SPATA31C2: variants seen among roughly 807,000 people sequenced by gnomAD.
The protein encoded by SPATA31C2 is spermatogenesis-associated protein 31C2.
SPATA31C2 carries 5 observed loss-of-function variants against 11.4 expected under a neutral mutation model. That is an observed-to-expected ratio of 0.44 (90% confidence interval 0.23 to 0.92). The LOEUF (loss-of-function observed/expected upper bound fraction) is 0.92. SPATA31C2 is among the 40% of genes least tolerant of loss of function. SPATA31C2 has a pLI of 0.24. For synonymous variants in SPATA31C2, 515 were observed against 538.7 expected (o/e 0.96, Z 0.61); for missense variants, 1,353 against 1,368.6 (o/e 0.99, Z 0.18).
rs1396167096 is a variant in SPATA31C2, at chr9:88,132,031, A to G, written c.1006T>C (p.Phe336Leu). ...CAGAATTGGGGTGTGGATGAAATAA[A>G]GGGTTGGGACTCAGGCTCCAGATGG... is the stretch of plus-strand genomic sequence containing the variant. ...LSHLEPESQP[F>L]ISSTPQFWPT... is the part of the protein sequence containing the mutation. The change falls in exon 4 of 4, where the codon TTT (phenylalanine) becomes CTT (leucine). Residue 336 changes from phenylalanine to leucine, a missense_variant. This residue lies in a region of SPATA31C2 where 1,075 missense variants were observed against 992.8 expected (regional missense o/e 1.08). Coordinates refer to ENST00000324915, the MANE Select transcript of SPATA31C2 (RefSeq NM_001350978.3). The G allele has an allele frequency of 1.9e-6, 3 of 1,610,928 alleles. No individual in the cohort carries two copies. Among genetic ancestry groups the G allele is most frequent in the Non-Finnish European group, 2.5e-6 (3 of 1,177,754 alleles).
chr9:88,133,786 C>G lies in SPATA31C2; in HGVS notation c.190-117G>C, dbSNP rs1193880611. Reference sequence around the variant, plus strand: ...CTCTGTCTGTCTTGCTCAGGGAGCTCTGTGTGCTTCCTCCCCTCCCACTCA... The same window carrying G: ...CTCTGTCTGTCTTGCTCAGGGAGCTGTGTGTGCTTCCTCCCCTCCCACTCA... On this transcript the variant is annotated intron_variant, in intron 1 of 3. Coordinates refer to ENST00000324915, the MANE Select transcript of SPATA31C2 (RefSeq NM_001350978.3). 2.2e-6 allele frequency: 3 copies of G among 1,368,776 alleles called. No homozygotes were observed. In the African/African-American group the frequency reaches 4.6e-5, roughly 21 times the overall value. 84.8% of individuals were successfully genotyped at this position (1,368,776 alleles called of 1,614,324 possible).
chr9:88,134,461 C>A (rs761418713), intron 1 of SPATA31C2, among the ~76,000 whole-genome samples: 3 of 141,856 alleles, frequency 2.1e-5, no homozygotes, highest in African/African-American at 7.9e-5. Context: ...GAGACCTCCC[C>A]CGTCTCATGA....
At chr9:88,135,286 T>C (rs1825665479) in intron 1 of SPATA31C2, among the ~76,000 whole-genome samples, 1 of 112,948 alleles carries the variant, frequency 8.9e-6, no homozygotes, top group Non-Finnish European at 1.6e-5. Flanking sequence ...AGGTTACCTA[T>C]TTCATAGCCT....
Position 88,131,133 on chromosome 9 carries a change from A to G in SPATA31C2, c.1904T>C (p.Leu635Pro), listed in dbSNP as rs1365942085. The change falls in exon 4 of 4, where the codon CTT becomes CCT. Residue 635 changes from leucine to proline, a missense_variant. Physicochemically the swap from Leu to Pro is moderately conservative, Grantham distance 98. This residue lies in a region of SPATA31C2 where 1,075 missense variants were observed against 992.8 expected (regional missense o/e 1.08). Transcript: ENST00000324915. ...CTGAGTACACGGCTCAAGGAAGGAA[A>G]GCACCTGGGCTGTGTTCACACAGGC... ...RKACVNTAQV[L>P]SFLEPCTQQV... The G allele has an allele frequency of 6.2e-7, 1 of 1,612,048 alleles. No homozygotes were observed. Among genetic ancestry groups the G allele is most frequent in the Non-Finnish European group, 8.5e-7 (1 of 1,179,864 alleles).
intron 1 of SPATA31C2, among the ~76,000 whole-genome samples, chr9:88,136,013 A>T (rs1444207790): frequency 9.7e-5 from 13 of 134,252 alleles, no homozygotes; most frequent in African/African-American, 3.2e-4. Flanking sequence ...GGCTCACTGC[A>T]ACCTGTGCCT....
Position 88,130,272 on chromosome 9 carries a change from A to G in SPATA31C2, c.2765T>C (p.Met922Thr), listed in dbSNP as rs1044973478. ...MQASQELCDL[M>T]SARRSNMGHK... ...CCCCATGTTACTCCTTCTGGCTGAC[A>G]TGAGGTCACATAGCTCCTGGGAAGC... is the stretch of plus-strand genomic sequence containing the variant. Residue 922 changes from methionine to threonine, a missense_variant, in exon 4 of 4, where the codon ATG (methionine) becomes ACG (threonine). Physicochemically the swap from Met to Thr is moderately conservative, Grantham distance 81. Transcript: ENST00000324915. 27 of 1,609,288 alleles carry G rather than the reference A, an allele frequency of 1.7e-5. No individual in the cohort carries two copies. Among genetic ancestry groups the G allele is most frequent in the Non-Finnish European group, 2.2e-5 (26 of 1,178,610 alleles).
intron 1 of SPATA31C2, 108 bp from the exon 2 acceptor site, chr9:88,133,777 C>G (rs934436998): frequency 2.2e-6 from 3 of 1,387,904 alleles, no homozygotes; most frequent in African/African-American, 3.1e-5. Context: ...CTGTCTTGCT[C>G]AGGGAGCTCT....
At position 88,130,551 on chromosome 9, in the gene SPATA31C2, G is replaced by A. The variant is rs1160472313; in HGVS notation, c.2486C>T (p.Pro829Leu). Residue 829 changes from proline to leucine, a missense_variant, in exon 4 of 4, where the codon CCA becomes CTA. By Grantham distance (98) the Pro-to-Leu change is moderately conservative (BLOSUM62 -3). Around this residue, in one of 6 missense-constraint regions of SPATA31C2, gnomAD observed 1,075 missense variants for 992.8 expected, o/e 1.08. Coordinates refer to ENST00000324915, the MANE Select transcript of SPATA31C2 (RefSeq NM_001350978.3). ...GAGTAGAGAGCTTTTGCTGGCGCCTGGAGCCTTGAAACCACGCACATCCTC... is the reference window on the plus strand; with the variant it reads ...GAGTAGAGAGCTTTTGCTGGCGCCTAGAGCCTTGAAACCACGCACATCCTC... The part of the protein sequence containing the change: ...TSEDVRGFKA[P>L]GASKSSLLPR... 2 of 1,613,202 alleles carry A rather than the reference G, an allele frequency of 1.2e-6. No individual in the cohort carries two copies. The highest frequency in any genetic ancestry group is 4.5e-5 in the East Asian group (2 of 44,826).
chr9:88,129,602 C>T lies in SPATA31C2; in HGVS notation c.*30G>A, dbSNP rs1247471834. 1.2e-6 allele frequency: 2 copies of T among 1,602,472 alleles called. No homozygotes were observed. Among genetic ancestry groups the T allele is most frequent in the Non-Finnish European group, 8.5e-7 (1 of 1,172,718 alleles). On this transcript the variant is annotated 3_prime_UTR_variant, in exon 4 of 4. Transcript: ENST00000324915. ...GTTGGGGATGTCGCAGGCCCCATTG[C>T]TCATTGTTGCACCGGACACTTTTCA...
rs1489914538 is a variant in SPATA31C2 at position 88,131,024 on chromosome 9, G to T, written c.2013C>A (p.Cys671Ter). ...LPLRVLKPIQ[C>*]FQLEKVSSLS... ...AGGATGAAACCTTTTCCAGTTGAAA[G>T]CACTGAATGGGCTTGAGGACCCTGA... The change falls in exon 4 of 4, where the codon TGC (cysteine) becomes TGA (stop). Residue 671 changes from cysteine to a stop codon, truncating the protein, a stop_gained. Transcript: ENST00000324915. LOFTEE classifies it low-confidence loss of function (END_TRUNC). 6.2e-7 allele frequency: 1 copy of T among 1,611,964 alleles called. No homozygotes were observed. The highest frequency in any genetic ancestry group is 1.3e-5 in the African/African-American group (1 of 74,886).
At position 88,131,878 on chromosome 9, in the gene SPATA31C2, G is replaced by T; in HGVS notation, c.1159C>A (p.Gln387Lys). 6.2e-7 allele frequency: 1 copy of T among 1,610,768 alleles called. No homozygotes were observed. Among genetic ancestry groups the T allele is most frequent in the Non-Finnish European group, 8.5e-7 (1 of 1,178,984 alleles). ...TGAGTTTCAGGTAGGGAGAGAGCTTGCACTTTATTCTGCGACGCAGGGCAA... is the reference window on the plus strand; with the variant it reads ...TGAGTTTCAGGTAGGGAGAGAGCTTTCACTTTATTCTGCGACGCAGGGCAA... ...VACPASQNKV[Q>K]ALSLPETQHP... Residue 387 changes from glutamine (Q) to lysine (K), a missense_variant, in exon 4 of 4, where the codon CAA (glutamine) becomes AAA (lysine). Around this residue, in one of 6 missense-constraint regions of SPATA31C2, gnomAD observed 1,075 missense variants for 992.8 expected, o/e 1.08. Coordinates refer to ENST00000324915, the MANE Select transcript of SPATA31C2 (RefSeq NM_001350978.3).
At chr9:88,134,507 C>T (rs1368841072) in intron 1 of SPATA31C2, among the ~76,000 whole-genome samples, 5 of 149,934 alleles carry the variant, frequency 3.3e-5, no homozygotes, top group East Asian at 2.2e-4. Context: ...CGGTCCTGGC[C>T]GCTGAGCCCA....
chr9:88,133,756 C>A, intron 1 of SPATA31C2, 87 bp from the exon 2 acceptor site: 2 of 1,573,524 alleles, frequency 1.3e-6, no homozygotes, highest in Non-Finnish European at 1.7e-6. Context: ...TCATGAACCG[C>A]ATGGCTCTGT....
In SPATA31C2 at chr9:88,129,959, C is replaced by G; in HGVS notation, c.3078G>C (p.Arg1026Ser). 1 of 1,608,146 alleles carries G rather than the reference C, an allele frequency of 6.2e-7. No homozygotes were observed. Among genetic ancestry groups the G allele is most frequent in the African/African-American group, 1.3e-5 (1 of 74,934 alleles). ...TCTCAGCAGTGACTGGTGCTGGCTT[C>G]CTTTCTTTCTTTGAAAAAATCGTCT... Reference protein sequence around the residue: ...FFQTIFSKKERKPAPVTAESQ... With the variant: ...FFQTIFSKKESKPAPVTAESQ... Residue 1026 changes from arginine to serine, a missense_variant, in exon 4 of 4, where the codon AGG becomes AGC. Transcript: ENST00000324915.
chr9:88,137,414 C>T (rs1825695810), intron 1 of SPATA31C2, among the ~76,000 whole-genome samples: 1 of 146,954 alleles, frequency 6.8e-6, no homozygotes, highest in East Asian at 2.0e-4. Context: ...CACCTGAAGT[C>T]AAGAGTTTGA....
chr9:88,130,715 T>C lies in SPATA31C2; in HGVS notation c.2322A>G (p.Thr774=), dbSNP rs1587687270. 4 of 1,613,838 alleles carry C rather than the reference T, an allele frequency of 2.5e-6. No individual in the cohort carries two copies. The highest frequency in any genetic ancestry group is 3.4e-6 in the Non-Finnish European group (4 of 1,179,862). ...QEGRWPSKPL[T]YSLTGSTQQS... ...GCTGGGTGCTGCCTGTGAGGCTGTATGTGAGGGGCTTAGATGGCCACCTGC... is the reference window on the plus strand; with the variant it reads ...GCTGGGTGCTGCCTGTGAGGCTGTACGTGAGGGGCTTAGATGGCCACCTGC... The change falls in exon 4 of 4, where the codon ACA becomes ACG. Residue 774 remains threonine (T), a synonymous_variant. Coordinates refer to ENST00000324915, the MANE Select transcript of SPATA31C2 (RefSeq NM_001350978.3).
rs1200301078 is a variant in SPATA31C2 at position 88,129,861 on chromosome 9, A to G, written c.3176T>C (p.Val1059Ala). The G allele has an allele frequency of 1.9e-6, 3 of 1,605,058 alleles. No individual in the cohort carries two copies. The highest frequency in any genetic ancestry group is 1.1e-5 in the South Asian group (1 of 90,968). Residue 1059 changes from valine (V) to alanine (A), a missense_variant, in exon 4 of 4, where the codon GTT becomes GCT. Physicochemically the swap from Val to Ala is moderately conservative, Grantham distance 64. Transcript: ENST00000324915. ...CATGTTCTCCTCCAGTATCTGTCCA[A>G]CTGCTGTCATGAGCCTCTCAGCTTC... ...SAEAERLMTA[V>A]GQILEENMSL... is the part of the protein sequence containing the mutation.
In SPATA31C2 at chr9:88,131,404, C is replaced by T. The variant is rs1460376920; in HGVS notation, c.1633G>A (p.Glu545Lys). The T allele has an allele frequency of 1.2e-6, 2 of 1,611,872 alleles. No individual in the cohort carries two copies. The highest frequency in any genetic ancestry group is 1.7e-6 in the Non-Finnish European group (2 of 1,179,868). ...TTCCTCAGGTTCCTTTCCGACTCCT[C>T]AGAGGTCGCCCCCAGAACCTTCCCT... ...FPGKVLGATS[E>K]ESERNLRKPL... The change falls in exon 4 of 4, where the codon GAG becomes AAG. Residue 545 changes from glutamate (E) to lysine (K), a missense_variant. Glu to Lys is a moderately conservative substitution (Grantham distance 56, BLOSUM62 1). This residue lies in a region of SPATA31C2 where 1,075 missense variants were observed against 992.8 expected (regional missense o/e 1.08). Coordinates refer to ENST00000324915, the MANE Select transcript of SPATA31C2 (RefSeq NM_001350978.3).
rs1335140928 is a variant in SPATA31C2, at chr9:88,130,040, T to A, written c.2997A>T (p.Ser999=). The A allele has an allele frequency of 1.9e-6, 3 of 1,608,694 alleles. No individual in the cohort carries two copies. Among genetic ancestry groups the A allele is most frequent in the Non-Finnish European group, 2.5e-6 (3 of 1,177,076 alleles). The part of the protein sequence containing the change: ...RQNEGVQLLP[S]KKQPPSISHF... ...GGCTTATTGAAGGAGGCTGTTTCTTTGATGGCAGTAGCTGGACGCCTTCAT... is the reference window on the plus strand; with the variant it reads ...GGCTTATTGAAGGAGGCTGTTTCTTAGATGGCAGTAGCTGGACGCCTTCAT... Residue 999 remains serine, a synonymous_variant, in exon 4 of 4, where the codon TCA becomes TCT. Coordinates refer to ENST00000324915, the MANE Select transcript of SPATA31C2 (RefSeq NM_001350978.3).
Sources: gnomAD v4.1 joint callset for allele counts (sites outside exome capture counted in the v4.1 genomes callset) on GRCh38, gnomAD v4.1.1 for gene constraint, gnomAD v4.1.1 regional missense constraint, MANE v1.5 for transcripts, NCBI Gene and HGNC (gene_info 2026-07-23, HGNC 2026-07-21) for gene names.